The following RYR2 variants were observed in gnomAD, a reference collection of about 807,000 sequenced individuals.
RYR2 encodes the protein ryanodine receptor 2.
A neutral mutation model predicts 601.1 loss-of-function variants in RYR2; 227 were observed. That is an observed-to-expected ratio of 0.38 (90% confidence interval 0.34 to 0.42). The LOEUF (loss-of-function observed/expected upper bound fraction) is 0.42. Ranked by LOEUF, RYR2 falls within the 10% of genes least tolerant of loss-of-function variation. The pLI is 1.00. For synonymous variants in RYR2, 2,223 were observed against 2,175.1 expected (o/e 1.02, Z -0.61); for missense variants, 4,646 against 6,156.5 (o/e 0.75, Z 8.21).
At chr1:237,163,081 C>A (rs1300167518) in intron 1 of RYR2, among the ~76,000 whole-genome samples, 1 of 152,174 alleles carries the variant, frequency 6.6e-6, no homozygotes, top group Non-Finnish European at 1.5e-5. Context: ...CACACACTGG[C>A]CTTAGATATG....
chr1:237,512,373 C>A (rs537630722), intron 24 of RYR2, among the ~76,000 whole-genome samples: 1 of 152,180 alleles, frequency 6.6e-6, no homozygotes. Flanking sequence ...ATTTGAGAAG[C>A]ACTGATTTAA....
At chr1:237,172,303 G>A (rs2490357) in intron 1 of RYR2, among the ~76,000 whole-genome samples, 1 of 151,910 alleles carries the variant, frequency 6.6e-6, no homozygotes, top group Non-Finnish European at 1.5e-5. Context: ...GACAGACAAG[G>A]TTTTATCATT....
chr1:237,499,527 A>T (rs1664417496), intron 20 of RYR2, among the ~76,000 whole-genome samples: 1 of 152,222 alleles, frequency 6.6e-6, no homozygotes, highest in South Asian at 2.1e-4. Context: ...CATGGTACAA[A>T]CAAGAAACTA....
chr1:237,479,919 A>T (rs1272012403), intron 17 of RYR2, among the ~76,000 whole-genome samples: 1 of 152,196 alleles, frequency 6.6e-6, no homozygotes, highest in Non-Finnish European at 1.5e-5. Flanking sequence ...TTTTCAAGGT[A>T]AAAGGAAACT....
In RYR2 at chr1:237,674,152, G is replaced by A; in HGVS notation, c.8647G>A (p.Ala2883Thr). Reference protein sequence around the residue: ...PYDTLTAKEKAKDREKAQDIL... With the variant: ...PYDTLTAKEKTKDREKAQDIL... ...TGATACACTGACAGCCAAAGAGAAAGCCAAGGATAGAGAAAAAGCACAGGA... is the reference window on the plus strand; with the variant it reads ...TGATACACTGACAGCCAAAGAGAAAACCAAGGATAGAGAAAAAGCACAGGA... The change falls in exon 59 of 105, where the codon GCC becomes ACC. Residue 2883 changes from alanine to threonine, a missense_variant. Transcript: ENST00000366574. 6.2e-7 allele frequency: 1 copy of A among 1,612,504 alleles called. No individual in the cohort carries two copies. Among genetic ancestry groups the A allele is most frequent in the Non-Finnish European group, 8.5e-7 (1 of 1,178,656 alleles).
Position 237,500,838 on chromosome 1 carries a change from A to G in RYR2, c.2331A>G (p.Gly777=). The G allele has an allele frequency of 1.2e-6, 2 of 1,614,014 alleles. No individual in the cohort carries two copies. Among genetic ancestry groups the G allele is most frequent in the Admixed American group, 3.3e-5 (2 of 60,030 alleles). The part of the protein sequence containing the change: ...SFRINGQPVQ[G]MFENFNIDGL... ...GAATTAATGGACAACCTGTTCAAGG[A>G]ATGTTTGAGAATTTCAACATCGATG... The change falls in exon 21 of 105, where the codon GGA becomes GGG. Residue 777 remains glycine, a synonymous_variant. Coordinates refer to ENST00000366574, the MANE Select transcript of RYR2 (RefSeq NM_001035.3).
chr1:237,596,385 C>G (rs1048198012), intron 34 of RYR2, among the ~76,000 whole-genome samples: 1 of 151,996 alleles, frequency 6.6e-6, no homozygotes, highest in African/African-American at 2.4e-5. Flanking sequence ...TCTTGTAACT[C>G]AAGAATTCAA....
At chr1:237,536,007 T>G (rs1052310773) in intron 25 of RYR2, among the ~76,000 whole-genome samples, 1 of 152,078 alleles carries the variant, frequency 6.6e-6, no homozygotes, top group Non-Finnish European at 1.5e-5. Flanking sequence ...GGTTTAGGAA[T>G]GAGACAATAT....
chr1:237,786,676 T>C lies in RYR2; in HGVS notation c.13328+640T>C, dbSNP rs576826587. 3.9e-5 allele frequency among the ~76,000 whole-genome samples: 6 copies of C among 152,362 alleles called. No homozygotes were observed. The East Asian group carries it at 1.2e-3, about 29-fold the overall frequency. On this transcript the variant is annotated intron_variant, in intron 91 of 104. Coordinates refer to ENST00000366574, the MANE Select transcript of RYR2 (RefSeq NM_001035.3). ...TAACTCCCTCATAACACCAGGTTTC[T>C]CTGAATAATCGAAGCCTACATCTTT...
rs1162263367 is a variant in RYR2 at position 237,358,685 on chromosome 1, C to A, written c.294+2700C>A. On this transcript the variant is annotated intron_variant, in intron 4 of 104. Coordinates refer to ENST00000366574, the MANE Select transcript of RYR2 (RefSeq NM_001035.3). ...ATCTGTCTAGTATGGCCCCCATTTGCTTGTTGGCAGTGTGGTCACTTCCCA... is the reference window on the plus strand; with the variant it reads ...ATCTGTCTAGTATGGCCCCCATTTGATTGTTGGCAGTGTGGTCACTTCCCA... 2.0e-5 allele frequency among the ~76,000 whole-genome samples: 3 copies of A among 151,948 alleles called. No individual in the cohort carries two copies. The East Asian group carries it at 5.8e-4, about 29-fold the overall frequency.
intron 1 of RYR2, among the ~76,000 whole-genome samples, chr1:237,095,369 A>T (rs1317808391): frequency 3.3e-5 from 5 of 152,166 alleles, no homozygotes; most frequent in Non-Finnish European, 5.9e-5. Context: ...GCCGTGCAGC[A>T]CTGTTGTGAC....
intron 21 of RYR2, 121 bp downstream of exon 21, chr1:237,501,024 C>G: frequency 3.1e-6 from 3 of 955,066 alleles, no homozygotes; most frequent in South Asian, 3.0e-5. Context: ...GGCACCTGTC[C>G]TCTGCGCATT....
intron 17 of RYR2, among the ~76,000 whole-genome samples, chr1:237,489,287 A>G (rs1235777822): frequency 6.6e-6 from 1 of 152,164 alleles, no homozygotes; most frequent in African/African-American, 2.4e-5. Context: ...GTCTACCCAC[A>G]TCTCCAATCA....
intron 34 of RYR2, among the ~76,000 whole-genome samples, chr1:237,598,760 C>T (rs1159120339): frequency 6.6e-6 from 1 of 151,966 alleles, no homozygotes; most frequent in East Asian, 1.9e-4. Context: ...AATACAAGAA[C>T]AAACTAAACC....
rs1573932788 is a variant in RYR2 at position 237,783,880 on chromosome 1, G to T, written c.12168G>T (p.Lys4056Asn). Residue 4056 changes from lysine (K) to asparagine (N), a missense_variant, in exon 90 of 105, where the codon AAG (lysine) becomes AAT (asparagine). Physicochemically the swap from Lys to Asn is moderately conservative, Grantham distance 94 (BLOSUM62 0). Coordinates refer to ENST00000366574, the MANE Select transcript of RYR2 (RefSeq NM_001035.3). ...TCCACAAAGCGATGGAGAGCCATAA[G>T]CACTACACGCAGTCAGAAACGGAAT... is the stretch of plus-strand genomic sequence containing the variant. ...RDFHKAMESH[K>N]HYTQSETEFL... The T allele has an allele frequency of 1.2e-6, 2 of 1,613,822 alleles. No homozygotes were observed. The highest frequency in any genetic ancestry group is 1.7e-6 in the Non-Finnish European group (2 of 1,179,810).
At chr1:237,191,017 G>A (rs1254369376) in intron 1 of RYR2, among the ~76,000 whole-genome samples, 1 of 152,048 alleles carries the variant, frequency 6.6e-6, no homozygotes, top group African/African-American at 2.4e-5. Flanking sequence ...CTTTCCCCCT[G>A]TTTTCTTCTA....
chr1:237,723,074 A>G, intron 73 of RYR2, 54 bp from the exon 74 acceptor site: 1 of 1,514,668 alleles, frequency 6.6e-7, no homozygotes, highest in Non-Finnish European at 9.0e-7. Flanking sequence ...TTAGATTGTA[A>G]CCTTGTTTTT....
chr1:237,464,235 C>T (rs1042557527), intron 16 of RYR2, among the ~76,000 whole-genome samples: 4 of 152,030 alleles, frequency 2.6e-5, no homozygotes, highest in African/African-American at 9.7e-5. Context: ...GATGTTGGTA[C>T]ATTTTAGGGG....
At chr1:237,464,963 T>A (rs1271234398) in intron 16 of RYR2, among the ~76,000 whole-genome samples, 1 of 152,192 alleles carries the variant, frequency 6.6e-6, no homozygotes, top group Admixed American at 6.5e-5. Context: ...GCATACTTTT[T>A]CATTACTTTA....
Sources: gnomAD v4.1 joint callset for allele counts (sites outside exome capture counted in the v4.1 genomes callset) on GRCh38, gnomAD v4.1.1 for gene constraint, MANE v1.5 for transcripts, NCBI Gene and HGNC (gene_info 2026-07-23, HGNC 2026-07-21) for gene names.